Variants in SPATA31F3 observed in about 807,000 individuals in gnomAD.
The protein encoded by SPATA31F3 is SPATA31 subfamily F member 3, also known as protein SPATA31F3.
At chr9:34,893,897 T>C in the SPATA31F3 span, among the ~76,000 whole-genome samples, 5 of 152,224 alleles carry the variant, frequency 3.3e-5, no homozygotes, top group African/African-American at 1.2e-4. Context: ...GTAGGACCTC[T>C]GCATTCTGAG....
At chr9:34,892,970 G>C in the SPATA31F3 span, 3 of 701,266 alleles carry the variant, frequency 4.3e-6, no homozygotes, top group Non-Finnish European at 5.1e-6. Flanking sequence ...AGACACACTA[G>C]ATGTGGACAA....
At chr9:34,890,801 A>T in the SPATA31F3 span, among the ~76,000 whole-genome samples, 1 of 152,162 alleles carries the variant, frequency 6.6e-6, no homozygotes, top group Non-Finnish European at 1.5e-5. Flanking sequence ...TTTGGCCAAG[A>T]TGGGTGCCTT....
the SPATA31F3 span, chr9:34,894,338 C>T: frequency 2.5e-6 from 1 of 397,266 alleles, no homozygotes. Context: ...TGTATGTCTC[C>T]CTCCCATCCA....
At chr9:34,889,239 G>C in the SPATA31F3 span, 1 of 398,670 alleles carries the variant, frequency 2.5e-6, no homozygotes, top group Non-Finnish European at 4.4e-6. Context: ...AGGTGAGTTA[G>C]ACCTGGGATA....
At chr9:34,892,295 A>T in the SPATA31F3 span, among the ~76,000 whole-genome samples, 1 of 152,218 alleles carries the variant, frequency 6.6e-6, no homozygotes, top group African/African-American at 2.4e-5. Flanking sequence ...AGCTTAGGTG[A>T]ACCAGCTAGC....
the SPATA31F3 span, chr9:34,893,010 G>T: frequency 1.2e-6 from 1 of 833,194 alleles, no homozygotes; most frequent in Non-Finnish European, 2.0e-6. Flanking sequence ...CCCTGTGATG[G>T]CCCCAGTGAA....
At chr9:34,889,480 C>T in the SPATA31F3 span, 1 of 398,640 alleles carries the variant, frequency 2.5e-6, no homozygotes. Flanking sequence ...TCTTTGGTGA[C>T]AGTTGGACTC....
At chr9:34,890,926 G>A in the SPATA31F3 span, among the ~76,000 whole-genome samples, 1,013 of 152,284 alleles carry the variant, frequency 6.7e-3, 8 homozygotes, top group African/African-American at 0.018. Context: ...TTGGTGTTTT[G>A]AAAGCATGGC....
At chr9:34,890,827 G>A in the SPATA31F3 span, among the ~76,000 whole-genome samples, 950 of 152,302 alleles carry the variant, frequency 6.2e-3, 7 homozygotes, top group African/African-American at 0.021. Flanking sequence ...ATTAGGGGCT[G>A]TGAGGATCTG....
At chr9:34,889,684 G>C in the SPATA31F3 span, 8 of 398,334 alleles carry the variant, frequency 2.0e-5, no homozygotes, top group East Asian at 2.8e-4. Flanking sequence ...ACCAGACCCT[G>C]CAACTCTTAG....
At chr9:34,891,698 C>T in the SPATA31F3 span, among the ~76,000 whole-genome samples, 1 of 152,170 alleles carries the variant, frequency 6.6e-6, no homozygotes, top group African/African-American at 2.4e-5. Context: ...AGAATGCTTC[C>T]TCCCTCTTGA....
the SPATA31F3 span, among the ~76,000 whole-genome samples, chr9:34,894,280 G>GC: frequency 9.9e-3 from 1,512 of 152,166 alleles, 27 homozygotes; most frequent in African/African-American, 0.035. Context: ...GTCTGGCCCA[G>GC]CCCCCCTGCC....
chr9:34,889,305 G>A, the SPATA31F3 span: 4 of 398,582 alleles, frequency 1.0e-5, no homozygotes, highest in Non-Finnish European at 1.8e-5. Context: ...AGCATTTGTA[G>A]GAGTGGCACA....
chr9:34,890,008 G>C, the SPATA31F3 span, among the ~76,000 whole-genome samples: 3 of 152,156 alleles, frequency 2.0e-5, no homozygotes, highest in Non-Finnish European at 4.4e-5. Flanking sequence ...GGAACTCAAG[G>C]TTATGGAGAA....
At chr9:34,890,336 C>T in the SPATA31F3 span, among the ~76,000 whole-genome samples, 112 of 152,322 alleles carry the variant, frequency 7.4e-4, no homozygotes, top group Non-Finnish European at 1.4e-3. Context: ...ACTGTTTTCT[C>T]TGCTGGGGTA....
the SPATA31F3 span, among the ~76,000 whole-genome samples, chr9:34,893,779 G>C: frequency 1.4e-4 from 22 of 152,130 alleles, no homozygotes; most frequent in African/African-American, 5.1e-4. Flanking sequence ...GCTGAACTAG[G>C]AGAACGGAGC....
At chr9:34,891,181 T>C in the SPATA31F3 span, among the ~76,000 whole-genome samples, 9 of 152,318 alleles carry the variant, frequency 5.9e-5, no homozygotes, top group Admixed American at 5.2e-4. Context: ...TTGCTGCTGA[T>C]CAAGGCCTGT....
the SPATA31F3 span, among the ~76,000 whole-genome samples, chr9:34,893,880 A>G: frequency 6.6e-6 from 1 of 152,192 alleles, no homozygotes; most frequent in Admixed American, 6.5e-5. Context: ...TTGGGCTTGA[A>G]GTTCATGTAG....
the SPATA31F3 span, among the ~76,000 whole-genome samples, chr9:34,892,387 A>G: frequency 6.6e-6 from 1 of 152,198 alleles, no homozygotes; most frequent in African/African-American, 2.4e-5. Context: ...AGTGAAAGAA[A>G]TGGCTGTTTG....
Sources: allele counts gnomAD v4.1 joint callset (sites outside exome capture counted in the v4.1 genomes callset), GRCh38; gene constraint gnomAD v4.1.1; transcripts MANE v1.5; gene names NCBI Gene and HGNC (gene_info 2026-07-23, HGNC 2026-07-21).